The following TPD52 variants were observed in gnomAD, a reference collection of about 807,000 sequenced individuals.
TPD52 encodes the protein prostate and colon associated protein.
In TPD52, 17 loss-of-function variants were observed where a neutral mutation model predicts 31.3. That is an observed-to-expected ratio of 0.54 (90% CI 0.37 to 0.82). The LOEUF (loss-of-function observed/expected upper bound fraction) is 0.82, where lower values mean the gene tolerates loss of function less well. Among genes scored for constraint, TPD52 ranks in the 40% least tolerant of loss-of-function variants. The pLI is 0.00. For synonymous variants in TPD52, 83 were observed against 89.6 expected (o/e 0.93, Z 0.42); for missense variants, 212 against 240.1 (o/e 0.88, Z 0.77).
intron 1 of TPD52, among the ~76,000 whole-genome samples, chr8:80,082,438 G>T (rs1366854056): frequency 1.3e-5 from 2 of 152,074 alleles, no homozygotes; most frequent in African/African-American, 4.8e-5. Context: ...TACTTTACTT[G>T]TTCCACCACC....
intron 1 of TPD52, among the ~76,000 whole-genome samples, chr8:80,141,113 C>T (rs1056467483): frequency 6.6e-6 from 1 of 152,148 alleles, no homozygotes; most frequent in Non-Finnish European, 1.5e-5. Flanking sequence ...TGTAACTCCA[C>T]TACTAGACTA....
chr8:80,073,643 T>C (rs879371908), intron 1 of TPD52, among the ~76,000 whole-genome samples: 6 of 152,232 alleles, frequency 3.9e-5, no homozygotes, highest in Non-Finnish European at 8.8e-5. Context: ...ATAAATGGAT[T>C]ATAGGAAGTT....
chr8:80,103,781 G>A (rs1806911192), intron 1 of TPD52, among the ~76,000 whole-genome samples: 1 of 152,204 alleles, frequency 6.6e-6, no homozygotes, highest in Non-Finnish European at 1.5e-5. Context: ...GTTTTGCAGG[G>A]AGGCTTCAGG....
chr8:80,124,067 T>C (rs1289359200), intron 1 of TPD52, among the ~76,000 whole-genome samples: 1 of 152,040 alleles, frequency 6.6e-6, no homozygotes, highest in Non-Finnish European at 1.5e-5. Flanking sequence ...ACATCCCTCT[T>C]TGGAGAACTG....
chr8:80,093,174 GAAT>G (rs143097494), intron 1 of TPD52, among the ~76,000 whole-genome samples: 2 of 151,668 alleles, frequency 1.3e-5, no homozygotes, highest in Admixed American at 6.6e-5. Flanking sequence ...TTCGACTCTG[GAAT>G]AATAATAATA....
intron 5 of TPD52, among the ~76,000 whole-genome samples, chr8:80,048,109 G>A (rs1222047062): frequency 6.6e-6 from 1 of 152,190 alleles, no homozygotes; most frequent in Non-Finnish European, 1.5e-5. Context: ...TGAGGGAAAA[G>A]CAGGCTGCCC....
intron 1 of TPD52, among the ~76,000 whole-genome samples, chr8:80,168,519 C>T (rs1190394980): frequency 6.6e-6 from 1 of 152,176 alleles, no homozygotes; most frequent in African/African-American, 2.4e-5. Flanking sequence ...TTGCCAAAAT[C>T]ACAATTCAGG....
chr8:80,092,919 A>C (rs1816397162), intron 1 of TPD52, among the ~76,000 whole-genome samples: 1 of 152,224 alleles, frequency 6.6e-6, no homozygotes, highest in South Asian at 2.1e-4. Context: ...GGGGGAATAA[A>C]GAATATATTT....
Position 80,051,548 on chromosome 8 carries a change from G to T in TPD52, c.365C>A (p.Thr122Asn). The change falls in exon 4 of 8, where the codon ACC becomes AAC. Residue 122 changes from threonine (T) to asparagine (N), a missense_variant. Coordinates refer to ENST00000518937, the MANE Select transcript of TPD52 (RefSeq NM_001025253.3). The part of the protein sequence containing the change: ...AAFSSVGSVI[T>N]KKLEDVKLQA... ...ATACTTTACATCTTCCAGCTTTTTG[G>T]TGATGACTGAGCCAACAGACGAAAA... The T allele has an allele frequency of 6.2e-7, 1 of 1,613,730 alleles. No homozygotes were observed. The highest frequency in any genetic ancestry group is 1.1e-5 in the South Asian group (1 of 91,070).
chr8:80,032,152 C>CAAAA (rs150988844), downstream of TPD52, among the ~76,000 whole-genome samples: 3 of 56,534 alleles, frequency 5.3e-5, no homozygotes, highest in East Asian at 5.5e-4. Flanking sequence ...GACTCCAGCT[C>CAAAA]AAAAAAAAAA....
At chr8:80,045,939 T>C (rs1810797695) in intron 5 of TPD52, among the ~76,000 whole-genome samples, 1 of 152,198 alleles carries the variant, frequency 6.6e-6, no homozygotes, top group African/African-American at 2.4e-5. Context: ...GATAAATTCC[T>C]TGTCCCGGGG....
At chr8:80,115,773 A>G (rs1807822124) in intron 1 of TPD52, among the ~76,000 whole-genome samples, 1 of 152,252 alleles carries the variant, frequency 6.6e-6, no homozygotes, top group Admixed American at 6.5e-5. Context: ...CGTGTGATAC[A>G]TGGCAGTGAT....
intron 1 of TPD52, among the ~76,000 whole-genome samples, chr8:80,161,867 C>T (rs961918407): frequency 5.3e-5 from 8 of 151,698 alleles, no homozygotes; most frequent in Admixed American, 3.9e-4. Context: ...GTAGCTGGGA[C>T]TACAGACATG....
intron 1 of TPD52, among the ~76,000 whole-genome samples, chr8:80,107,468 T>C (rs1074786): frequency 0.37 from 56,735 of 152,046 alleles, 11,481 homozygotes; most frequent in East Asian, 0.72. Context: ...CTTGTAATTA[T>C]AGCAACTGCG....
At chr8:80,081,486 C>A (rs1028674755) in intron 1 of TPD52, among the ~76,000 whole-genome samples, 1 of 151,934 alleles carries the variant, frequency 6.6e-6, no homozygotes, top group African/African-American at 2.4e-5. Context: ...AAAATAAAGG[C>A]GACTCGCTTT....
chr8:80,108,710 G>A (rs911413528), intron 1 of TPD52, among the ~76,000 whole-genome samples: 1 of 143,346 alleles, frequency 7.0e-6, no homozygotes, highest in East Asian at 2.3e-4. Flanking sequence ...CTGCTATCCC[G>A]AGATCATGCA....
At chr8:80,039,642 A>G (rs1042517156) in intron 7 of TPD52, among the ~76,000 whole-genome samples, 1 of 152,036 alleles carries the variant, frequency 6.6e-6, no homozygotes, top group African/African-American at 2.4e-5. Context: ...AAAACCCTTC[A>G]ATGGCTTCCC....
At chr8:80,061,834 C>T (rs1812591587) in intron 2 of TPD52, among the ~76,000 whole-genome samples, 2 of 151,974 alleles carry the variant, frequency 1.3e-5, no homozygotes, top group South Asian at 4.2e-4. Context: ...ATCACATCAA[C>T]AAGAATAAAA....
chr8:80,161,717 T>A (rs1397173131), intron 1 of TPD52, among the ~76,000 whole-genome samples: 1 of 77,330 alleles, frequency 1.3e-5, no homozygotes, highest in African/African-American at 8.3e-5. Context: ...CACATTTATA[T>A]ATATATATAT....
Sources: allele counts gnomAD v4.1 joint callset (sites outside exome capture counted in the v4.1 genomes callset), GRCh38; gene constraint gnomAD v4.1.1; transcripts MANE v1.5; gene names NCBI Gene and HGNC (gene_info 2026-07-23, HGNC 2026-07-21).